Variants in CSMD2 observed in about 807,000 individuals in gnomAD.
CSMD2 encodes CUB and sushi domain-containing protein 2.
Under a neutral mutation model 398.5 loss-of-function variants are expected in CSMD2, and 130 were observed. The observed-to-expected ratio is 0.33, with a 90% CI of 0.28 to 0.38. CSMD2 has a LOEUF of 0.38. CSMD2 is among the 10% of genes least tolerant of loss of function. CSMD2 has a pLI of 1.00. For synonymous variants in CSMD2, 1,828 were observed against 1,908.5 expected, an observed-to-expected ratio of 0.96 and a Z score of 1.10; for missense variants, 3,829 against 4,764.9, an observed-to-expected ratio of 0.80 and a Z score of 5.78.
At chr1:33,673,116 G>A (rs1443961642) in intron 25 of CSMD2, among the ~76,000 whole-genome samples, 2 of 152,238 alleles carry the variant, frequency 1.3e-5, no homozygotes, top group African/African-American at 4.8e-5. Context: ...GACGGAGAAT[G>A]ACTTTGACGA....
chr1:34,018,068 C>T lies in CSMD2; in HGVS notation c.517+14526G>A, dbSNP rs556824182. On this transcript the variant is annotated intron_variant, in intron 3 of 70. Coordinates refer to ENST00000373381, the MANE Select transcript of CSMD2 (RefSeq NM_001281956.2). ...AAATTCACCCACATCTCACTGCCTG[C>T]CCACGTCAACTGTTTCTTTTTTTAT... Among the ~76,000 whole-genome samples the T allele has an allele frequency of 1.9e-3, 285 of 152,294 alleles. 1 individual carries two copies. The highest frequency in any genetic ancestry group is 6.5e-3 in the African/African-American group (272 of 41,562).
rs1441644719 is a variant in CSMD2 at position 33,731,308 on chromosome 1, A to C, written c.2369-4623T>G. Among the ~76,000 whole-genome samples, 3 of 152,072 alleles carry C rather than the reference A, an allele frequency of 2.0e-5. No individual in the cohort carries two copies. The East Asian group carries it at 5.8e-4, about 29-fold the overall frequency. On this transcript the variant is annotated intron_variant, in intron 15 of 70. Transcript: ENST00000373381. ...TTTAAGTGTAGCATTTCAGCTTATGAAAAAATAAATTATAGCATGTTACCA... is the reference window on the plus strand; with the variant it reads ...TTTAAGTGTAGCATTTCAGCTTATGCAAAAATAAATTATAGCATGTTACCA...
intron 47 of CSMD2, 36 bp downstream of exon 47, chr1:33,583,606 T>G: frequency 6.3e-7 from 1 of 1,597,548 alleles, no homozygotes. Flanking sequence ...CCATGTCTTC[T>G]GCAGCAGAGA....
At chr1:33,755,852 G>GC (rs113822118) in intron 13 of CSMD2, among the ~76,000 whole-genome samples, 2,460 of 146,780 alleles carry the variant, frequency 0.017, 78 homozygotes, top group African/African-American at 0.063. Flanking sequence ...GTGTGCGGGG[G>GC]GAGGGGGGTC....
chr1:33,900,398 A>G (rs923786898), intron 5 of CSMD2, among the ~76,000 whole-genome samples: 1 of 152,178 alleles, frequency 6.6e-6, no homozygotes, highest in East Asian at 1.9e-4. Flanking sequence ...AGTCCAGATG[A>G]TGGGGATCCA....
At chr1:33,751,567 G>A (rs1204525908) in intron 13 of CSMD2, among the ~76,000 whole-genome samples, 1 of 152,178 alleles carries the variant, frequency 6.6e-6, no homozygotes, top group Non-Finnish European at 1.5e-5. Context: ...AGAAGTTTGG[G>A]TATGAAAGAG....
intron 1 of CSMD2, among the ~76,000 whole-genome samples, chr1:34,110,113 T>C (rs1660923354): frequency 6.7e-6 from 1 of 150,002 alleles, no homozygotes; most frequent in South Asian, 2.1e-4. Context: ...TCATTGATCA[T>C]TAGAGAAATG....
chr1:33,715,335 G>A lies in CSMD2; in HGVS notation c.3218-560C>T, dbSNP rs1323873366. Among the ~76,000 whole-genome samples, 4 of 152,202 alleles carry A rather than the reference G, an allele frequency of 2.6e-5. 1 individual carries two copies. The highest frequency in any genetic ancestry group is 1.9e-4 in the East Asian group (1 of 5,190). ...TGACGAGAAGCCATGTCTCAGCTAC[G>A]TTGGCACTTGAGGCAGACGGCAAGC... On this transcript the variant is annotated intron_variant, in intron 20 of 70. Coordinates refer to ENST00000373381, the MANE Select transcript of CSMD2 (RefSeq NM_001281956.2).
rs529018252 is a variant in CSMD2 at position 33,960,758 on chromosome 1, G to A, written c.518-24804C>T. Among the ~76,000 whole-genome samples the A allele has an allele frequency of 9.8e-5, 15 of 152,348 alleles. No individual in the cohort carries two copies. The East Asian group carries it at 2.9e-3, about 29-fold the overall frequency. ...AACAGGATCTCTCTGGGGGATGAGA[G>A]TTTTGCATTTCAGTCTCAGTACTTA... On this transcript the variant is annotated intron_variant, in intron 3 of 70. Transcript: ENST00000373381.
At chr1:33,949,446 G>A (rs1159713493) in intron 3 of CSMD2, among the ~76,000 whole-genome samples, 15 of 152,284 alleles carry the variant, frequency 9.9e-5, no homozygotes, top group Middle Eastern at 3.4e-3. Flanking sequence ...GCCAGGGAGC[G>A]GTCTGTTGCT....
chr1:34,165,199 A>C lies in CSMD2; in HGVS notation c.-102T>G. 1 of 1,160,636 alleles carries C rather than the reference A, an allele frequency of 8.6e-7. No homozygotes were observed. Among genetic ancestry groups the C allele is most frequent in the Non-Finnish European group, 1.1e-6 (1 of 942,640 alleles). 71.9% of individuals were successfully genotyped at this position (1,160,636 alleles called of 1,614,324 possible). A position where few individuals can be genotyped will look rare whatever the true frequency, so the allele number is the denominator to read the frequency against. On this transcript the variant is annotated 5_prime_UTR_variant, in exon 1 of 71. Coordinates refer to ENST00000373381, the MANE Select transcript of CSMD2 (RefSeq NM_001281956.2). Reference sequence around the variant, plus strand: ...TTTTCTGCTCGGAAAAAATCCCGGTACGCGGGAGCCCTGAGCTTCTGCGGC... The same window carrying C: ...TTTTCTGCTCGGAAAAAATCCCGGTCCGCGGGAGCCCTGAGCTTCTGCGGC...
chr1:33,690,098 C>T (rs1645186970), intron 25 of CSMD2, among the ~76,000 whole-genome samples: 1 of 152,162 alleles, frequency 6.6e-6, no homozygotes, highest in African/African-American at 2.4e-5. Context: ...GCCCATTCTC[C>T]TCCAAACTGC....
chr1:34,079,423 G>T (rs963722801), intron 2 of CSMD2, among the ~76,000 whole-genome samples: 57 of 152,176 alleles, frequency 3.7e-4, no homozygotes, highest in African/African-American at 1.3e-3. Context: ...ACTAACAATG[G>T]CTAGTCCAAA....
Position 33,645,070 on chromosome 1 carries a change from C to T in CSMD2, c.4774+1578G>A, listed in dbSNP as rs1460592592. Among the ~76,000 whole-genome samples, 3 of 151,932 alleles carry T rather than the reference C, an allele frequency of 2.0e-5. 1 individual carries two copies. The highest frequency in any genetic ancestry group is 7.3e-5 in the African/African-American group (3 of 41,338). On this transcript the variant is annotated intron_variant, in intron 29 of 70. Coordinates refer to ENST00000373381, the MANE Select transcript of CSMD2 (RefSeq NM_001281956.2). ...TGGCAGTGGGAAAACACTAAGTTTGCCATTGTTCTAATTAGTGTTATGTGT... is the reference window on the plus strand; with the variant it reads ...TGGCAGTGGGAAAACACTAAGTTTGTCATTGTTCTAATTAGTGTTATGTGT...
intron 21 of CSMD2, among the ~76,000 whole-genome samples, 195 bp downstream of exon 21, chr1:33,714,392 A>G (rs949186060): frequency 3.3e-5 from 5 of 152,258 alleles, no homozygotes; most frequent in Non-Finnish European, 5.9e-5. Flanking sequence ...AGGGATTGCC[A>G]TCCCTATTTT....
chr1:33,922,599 CA>C (rs1237151407), intron 4 of CSMD2, among the ~76,000 whole-genome samples: 1 of 152,176 alleles, frequency 6.6e-6, no homozygotes, highest in Non-Finnish European at 1.5e-5. Flanking sequence ...CCAACCCAAC[CA>C]AAATCACTCT....
intron 21 of CSMD2, among the ~76,000 whole-genome samples, chr1:33,712,346 T>C (rs541095849): frequency 6.6e-6 from 1 of 152,142 alleles, no homozygotes; most frequent in Admixed American, 6.5e-5. Flanking sequence ...CGTCACACCA[T>C]GCATTAAAGC....
chr1:34,019,174 G>A (rs1348508849), intron 3 of CSMD2, among the ~76,000 whole-genome samples: 1 of 152,090 alleles, frequency 6.6e-6, no homozygotes, highest in Non-Finnish European at 1.5e-5. Flanking sequence ...CTGGCACCTG[G>A]TAAGAGCCCC....
At chr1:33,761,940 G>T (rs1649866100) in intron 13 of CSMD2, among the ~76,000 whole-genome samples, 2 of 152,106 alleles carry the variant, frequency 1.3e-5, no homozygotes, top group Admixed American at 6.5e-5. Context: ...GTAGCCTAGG[G>T]CCAGGAGCCT....
Sources: allele counts gnomAD v4.1 joint callset (sites outside exome capture counted in the v4.1 genomes callset), GRCh38; gene constraint gnomAD v4.1.1; transcripts MANE v1.5; gene names NCBI Gene and HGNC (gene_info 2026-07-23, HGNC 2026-07-21).